The following DIS3L2 variants were observed in gnomAD, a reference collection of about 807,000 sequenced individuals.
DIS3L2 encodes DIS3 like 3'-5' exoribonuclease 2, also known as DIS3-like exonuclease 2.
A neutral mutation model predicts 97.5 loss-of-function variants in DIS3L2; 34 were observed. That is an observed-to-expected ratio of 0.35 (90% CI 0.27 to 0.46). The LOEUF is 0.46. Ranked by LOEUF, DIS3L2 falls within the 20% of genes least tolerant of loss-of-function variation. The pLI is 1.00. For missense variants in DIS3L2, 1,038 were observed against 1,146.0 expected, an observed-to-expected ratio of 0.91 and a Z score of 1.36; for synonymous variants, 435 against 445.2, an observed-to-expected ratio of 0.98 and a Z score of 0.29.
rs1282954508 is a variant in DIS3L2, at chr2:232,335,703, GC to G, written c.2395-67del. The G allele has an allele frequency of 9.3e-6, 14 of 1,508,648 alleles. 1 individual carries two copies. 93.5% of individuals were successfully genotyped at this position (1,508,648 alleles called of 1,614,324 possible). A position where few individuals can be genotyped will look rare whatever the true frequency, so the allele number is the denominator to read the frequency against. On this transcript the variant is annotated intron_variant, in intron 19 of 20. Transcript: ENST00000325385. ...CTGAGGGCCGCCTCCAAGCATTGAA[GC>G]CCTCCAGGGTGGAAGGGCAGGCAGC...
At chr2:232,183,988 A>C (rs532971870) in intron 9 of DIS3L2, among the ~76,000 whole-genome samples, 17 of 152,290 alleles carry the variant, frequency 1.1e-4, no homozygotes, top group African/African-American at 3.9e-4. Flanking sequence ...GGAGAGAGAG[A>C]TAGAGCTGGA....
rs773439799 is a variant in DIS3L2 at position 232,336,644 on chromosome 2, C to T, written c.*14C>T. 2.7e-6 allele frequency: 4 copies of T among 1,499,766 alleles called. No homozygotes were observed. Among genetic ancestry groups the T allele is most frequent in the Non-Finnish European group, 3.6e-6 (4 of 1,114,780 alleles). The allele number at this position is 1,499,766 out of a possible 1,614,324, so 92.9% of individuals were successfully genotyped here. ...AGCACCAGCTGAGCTCCACCAGCCGCCTGCCCCGCCTGCCCCGCCTGCCTG... is the reference window on the plus strand; with the variant it reads ...AGCACCAGCTGAGCTCCACCAGCCGTCTGCCCCGCCTGCCCCGCCTGCCTG... On this transcript the variant is annotated 3_prime_UTR_variant, in exon 21 of 21. Transcript: ENST00000325385.
chr2:232,170,924 C>T (rs138352738), intron 9 of DIS3L2, among the ~76,000 whole-genome samples: 29 of 152,234 alleles, frequency 1.9e-4, no homozygotes, highest in Middle Eastern at 3.4e-3. Context: ...CAGGTCAACC[C>T]TTTTGTGGGA....
At chr2:232,011,653 GT>G (rs1237784214) in intron 1 of DIS3L2, among the ~76,000 whole-genome samples, 2 of 137,730 alleles carry the variant, frequency 1.5e-5, no homozygotes, top group African/African-American at 5.5e-5. Context: ...GTGCCTGCCT[GT>G]TTGTTCATTT....
rs768909060 is a variant in DIS3L2 at position 232,263,451 on chromosome 2, G to A, written c.1659+11G>A. 6.2e-7 allele frequency: 1 copy of A among 1,613,868 alleles called. No individual in the cohort carries two copies. Among genetic ancestry groups the A allele is most frequent in the East Asian group, 2.2e-5 (1 of 44,860 alleles). On this transcript the variant is annotated intron_variant, in intron 13 of 20. Coordinates refer to ENST00000325385, the MANE Select transcript of DIS3L2 (RefSeq NM_152383.5). ...CTTCGTTTGGATCAGGTCAGTACGT[G>A]TTTTTTTAGTGTAGCCAACAGATTT...
At chr2:232,119,746 A>T (rs560903995) in intron 6 of DIS3L2, among the ~76,000 whole-genome samples, 1 of 152,230 alleles carries the variant, frequency 6.6e-6, no homozygotes, top group African/African-American at 2.4e-5. Flanking sequence ...CCTGTGAGGG[A>T]CTCCAGTTTG....
chr2:232,256,500 T>C (rs1693566241), intron 12 of DIS3L2, among the ~76,000 whole-genome samples: 1 of 152,260 alleles, frequency 6.6e-6, no homozygotes, highest in African/African-American at 2.4e-5. Context: ...GTGTACCAGT[T>C]GGGGCTTTCT....
At chr2:232,008,210 T>A (rs1694104424) in intron 1 of DIS3L2, among the ~76,000 whole-genome samples, 1 of 149,642 alleles carries the variant, frequency 6.7e-6, no homozygotes, top group African/African-American at 2.5e-5. Flanking sequence ...TTTTTTTTAA[T>A]AGGGTTGGGG....
chr2:232,253,312 C>T (rs6715778), intron 12 of DIS3L2, among the ~76,000 whole-genome samples: 13,348 of 152,178 alleles, frequency 0.088, 1,171 homozygotes, highest in African/African-American at 0.23. Flanking sequence ...GCTTTTGTGC[C>T]ACCAGTGTAA....
intron 9 of DIS3L2, among the ~76,000 whole-genome samples, chr2:232,190,674 G>C (rs1691597098): frequency 6.6e-6 from 1 of 152,136 alleles, no homozygotes; most frequent in African/African-American, 2.4e-5. Context: ...CTGGCATTCA[G>C]GGAAGAAGTC....
chr2:232,015,822 G>A, intron 3 of DIS3L2, 151 bp downstream of exon 3: 1 of 780,170 alleles, frequency 1.3e-6, no homozygotes, highest in Non-Finnish European at 1.9e-6. Context: ...AGATGATGAG[G>A]TAACAGATTC....
downstream of DIS3L2, among the ~76,000 whole-genome samples, chr2:232,337,426 C>CGGCCTG (rs931038785): frequency 6.6e-6 from 1 of 152,096 alleles, no homozygotes; most frequent in African/African-American, 2.4e-5. Flanking sequence ...ACAGAGGAGC[C>CGGCCTG]GGCCTGGGCC....
chr2:232,273,217 C>T (rs1694051383), intron 13 of DIS3L2, among the ~76,000 whole-genome samples: 1 of 152,136 alleles, frequency 6.6e-6, no homozygotes. Flanking sequence ...TGTTACCTGT[C>T]TTTATCACAC....
At chr2:232,200,631 T>C (rs576260352) in intron 9 of DIS3L2, among the ~76,000 whole-genome samples, 2 of 151,682 alleles carry the variant, frequency 1.3e-5, no homozygotes, top group South Asian at 2.1e-4. Flanking sequence ...AAAAAAAAAA[T>C]TGGGGGCAGG....
At chr2:232,024,785 TCA>T (rs1694613851) in intron 4 of DIS3L2, among the ~76,000 whole-genome samples, 1 of 152,184 alleles carries the variant, frequency 6.6e-6, no homozygotes, top group Non-Finnish European at 1.5e-5. Context: ...GTTTCTCACT[TCA>T]CTTTCGTGCA....
At chr2:232,207,381 C>T (rs756825440) in intron 9 of DIS3L2, among the ~76,000 whole-genome samples, 11 of 152,156 alleles carry the variant, frequency 7.2e-5, no homozygotes, top group Non-Finnish European at 1.3e-4. Flanking sequence ...TTCCTATTAC[C>T]ATCAATCTGT....
chr2:232,264,173 C>A (rs1321001578), intron 13 of DIS3L2, among the ~76,000 whole-genome samples: 1 of 152,232 alleles, frequency 6.6e-6, no homozygotes, highest in East Asian at 1.9e-4. Context: ...CTATGAGAAT[C>A]TAATGCTGCC....
intron 5 of DIS3L2, among the ~76,000 whole-genome samples, chr2:232,031,986 T>G (rs1006148089): frequency 1.3e-5 from 2 of 152,184 alleles, no homozygotes; most frequent in African/African-American, 2.4e-5. Context: ...GCATATGTCT[T>G]TACAGTAGAA....
chr2:232,000,921 G>A (rs1693882395), intron 1 of DIS3L2, among the ~76,000 whole-genome samples: 1 of 150,870 alleles, frequency 6.6e-6, no homozygotes, highest in South Asian at 2.1e-4. Context: ...ATTCCATTGT[G>A]TATATATACT....
Sources: gnomAD v4.1 joint callset for allele counts (sites outside exome capture counted in the v4.1 genomes callset) on GRCh38, gnomAD v4.1.1 for gene constraint, MANE v1.5 for transcripts, NCBI Gene and HGNC (gene_info 2026-07-23, HGNC 2026-07-21) for gene names.